Variants in ACAD11 observed in about 807,000 individuals in gnomAD.
ACAD11 encodes the protein acyl-CoA dehydrogenase family member 11.
ACAD11 carries 83 observed loss-of-function variants against 102.2 expected under a neutral mutation model. The observed-to-expected ratio is 0.81, with a 90% CI of 0.68 to 0.97. The LOEUF (loss-of-function observed/expected upper bound fraction) is 0.97. ACAD11 is among the 50% of genes least tolerant of loss of function. ACAD11 has a pLI of 0.00. For missense variants in ACAD11, 901 were observed against 951.7 expected, an observed-to-expected ratio of 0.95 and a Z score of 0.70; for synonymous variants, 324 against 319.8, an observed-to-expected ratio of 1.01 and a Z score of -0.14.
intron 11 of ACAD11, among the ~76,000 whole-genome samples, chr3:132,612,698 A>G (rs1939210745): frequency 1.3e-5 from 2 of 152,032 alleles, no homozygotes; most frequent in South Asian, 4.1e-4. Context: ...ACCAGTTAGA[A>G]TGGCAATCAT....
chr3:132,580,838 A>G (rs1040122204), intron 13 of ACAD11, among the ~76,000 whole-genome samples: 1 of 151,968 alleles, frequency 6.6e-6, no homozygotes, highest in Non-Finnish European at 1.5e-5. Context: ...GAAAACCAAG[A>G]ATCTGTAGTA....
At chr3:132,622,139 C>A (rs1429256716) in intron 9 of ACAD11, among the ~76,000 whole-genome samples, 1 of 152,138 alleles carries the variant, frequency 6.6e-6, no homozygotes, top group Non-Finnish European at 1.5e-5. Flanking sequence ...GTATTACTTA[C>A]AAACATTGTC....
chr3:132,577,056 C>CT, intron 15 of ACAD11, 41 bp from the exon 16 acceptor site: 1 of 1,226,604 alleles, frequency 8.2e-7, no homozygotes, highest in Non-Finnish European at 1.2e-6. Flanking sequence ...AAGGAGTTGA[C>CT]TAAAAAAGAG....
intron 13 of ACAD11, among the ~76,000 whole-genome samples, chr3:132,593,049 A>G (rs1938147471): frequency 6.6e-6 from 1 of 152,054 alleles, no homozygotes; most frequent in Non-Finnish European, 1.5e-5. Context: ...AAAAAAAACC[A>G]AGACATAAAA....
At chr3:132,567,784 C>T (rs746125386) in intron 17 of ACAD11, among the ~76,000 whole-genome samples, 2 of 152,168 alleles carry the variant, frequency 1.3e-5, no homozygotes, top group East Asian at 3.8e-4. Context: ...TTATACCTAA[C>T]ATTCCCCTAA....
chr3:132,644,348 A>G (rs1190057920), intron 2 of ACAD11, among the ~76,000 whole-genome samples: 1 of 152,234 alleles, frequency 6.6e-6, no homozygotes, highest in Admixed American at 6.5e-5. Context: ...ATATTTAGAG[A>G]GTACTATAAA....
At chr3:132,561,022 G>T in intron 18 of ACAD11, 79 bp downstream of exon 18, 1 of 1,125,134 alleles carries the variant, frequency 8.9e-7, no homozygotes, top group Non-Finnish European at 1.3e-6. Flanking sequence ...AAGATGCCAT[G>T]AAAACTGAAA....
chr3:132,624,531 G>A (rs1305474693), intron 9 of ACAD11, among the ~76,000 whole-genome samples: 1 of 150,438 alleles, frequency 6.6e-6, no homozygotes, highest in Non-Finnish European at 1.5e-5. Flanking sequence ...CTTGAACCCA[G>A]GAGGCGGAGG....
chr3:132,651,408 C>G (rs1330554668), intron 1 of ACAD11, among the ~76,000 whole-genome samples: 1 of 152,202 alleles, frequency 6.6e-6, no homozygotes, highest in Non-Finnish European at 1.5e-5. Flanking sequence ...TTAGGCCCAT[C>G]AGTTCCTTGA....
intron 13 of ACAD11, among the ~76,000 whole-genome samples, chr3:132,590,352 G>T (rs1938026000): frequency 6.6e-6 from 1 of 152,174 alleles, no homozygotes; most frequent in African/African-American, 2.4e-5. Flanking sequence ...CCTGCTCCCA[G>T]GTTCAAGTGA....
At chr3:132,621,771 TACCTGTCTTTACCAAATGAA>T (rs1273143520) in intron 9 of ACAD11, among the ~76,000 whole-genome samples, 1 of 60,340 alleles carries the variant, frequency 1.7e-5, no homozygotes, top group Non-Finnish European at 2.6e-5. Flanking sequence ...TAGCCTGGCC[TACCTGTCTTTACCAAATGAA>T]ACATAATGAA....
Position 132,644,799 on chromosome 3 carries a change from G to C in ACAD11, c.247C>G (p.Gln83Glu), listed in dbSNP as rs1940655600. The change falls in exon 2 of 20, where the codon CAG becomes GAG. Residue 83 changes from glutamine to glutamate, a missense_variant and splice_region_variant. Physicochemically the swap from Gln to Glu is conservative, Grantham distance 29 (BLOSUM62 2). Coordinates refer to ENST00000264990, the MANE Select transcript of ACAD11 (RefSeq NM_032169.5). ...ATCATTACATTTGTATACTATACCTGATGTGCTTTAGGAAGAAGTGAACCT... is the reference window on the plus strand; with the variant it reads ...ATCATTACATTTGTATACTATACCTCATGTGCTTTAGGAAGAAGTGAACCT... ...PPGSLLPKAH[Q>E]IDREFKVQKA... 1 of 1,595,704 alleles carries C rather than the reference G, an allele frequency of 6.3e-7. No homozygotes were observed. The highest frequency in any genetic ancestry group is 1.1e-5 in the South Asian group (1 of 89,292).
intron 13 of ACAD11, among the ~76,000 whole-genome samples, chr3:132,585,532 C>T (rs1315047068): frequency 6.6e-6 from 1 of 152,156 alleles, no homozygotes; most frequent in Non-Finnish European, 1.5e-5. Context: ...GCAAAAGAAA[C>T]TACCATCAGA....
chr3:132,627,033 T>G, intron 8 of ACAD11: 1 of 421,910 alleles, frequency 2.4e-6, no homozygotes, highest in Non-Finnish European at 4.2e-6. Context: ...AAAGCACTAT[T>G]TGGGGAAAAC....
At chr3:132,583,009 C>A (rs1166612614) in intron 13 of ACAD11, among the ~76,000 whole-genome samples, 1 of 152,074 alleles carries the variant, frequency 6.6e-6, no homozygotes, top group Non-Finnish European at 1.5e-5. Flanking sequence ...GTCTAAAATT[C>A]TGTTTTTTTG....
intron 1 of ACAD11, among the ~76,000 whole-genome samples, chr3:132,649,020 G>A (rs1940822298): frequency 1.3e-5 from 2 of 152,194 alleles, no homozygotes; most frequent in Non-Finnish European, 2.9e-5. Context: ...ATGTTTACAG[G>A]CAGGCAGTAT....
At chr3:132,633,336 T>C (rs1940129108) in intron 5 of ACAD11, among the ~76,000 whole-genome samples, 1 of 152,206 alleles carries the variant, frequency 6.6e-6, no homozygotes, top group African/African-American at 2.4e-5. Flanking sequence ...GATAATCATG[T>C]GGTTTTTGTC....
intron 9 of ACAD11, among the ~76,000 whole-genome samples, chr3:132,625,425 T>A (rs932625391): frequency 6.6e-6 from 1 of 152,170 alleles, no homozygotes; most frequent in Non-Finnish European, 1.5e-5. Flanking sequence ...CAATGTTGAA[T>A]TCACACTGCT....
chr3:132,576,257 T>G (rs1316915280), intron 16 of ACAD11, among the ~76,000 whole-genome samples: 1 of 152,058 alleles, frequency 6.6e-6, no homozygotes, highest in Non-Finnish European at 1.5e-5. Context: ...GAAGAGTGGG[T>G]AAGGGTAAGA....
Sources: allele counts gnomAD v4.1 joint callset (sites outside exome capture counted in the v4.1 genomes callset), GRCh38; gene constraint gnomAD v4.1.1; transcripts MANE v1.5; gene names NCBI Gene and HGNC (gene_info 2026-07-23, HGNC 2026-07-21).